PCDHA5: variants seen among roughly 807,000 people sequenced by gnomAD.
The protein encoded by PCDHA5 is protocadherin alpha 5.
Under a neutral mutation model 61.6 loss-of-function variants are expected in PCDHA5, and 43 were observed. The ratio of observed to expected loss-of-function variants is 0.70; its 90% CI spans 0.55 to 0.90. The LOEUF is 0.90. Ranked by LOEUF, PCDHA5 falls within the 40% of genes least tolerant of loss-of-function variation. The pLI, the probability that PCDHA5 is intolerant of heterozygous loss-of-function variation, is 0.00. For synonymous variants in PCDHA5, 627 were observed against 543.9 expected (o/e 1.15, Z -2.13); for missense variants, 1,298 against 1,222.7 (o/e 1.06, Z -0.92).
intron 1 of PCDHA5, chr5:140,869,787 G>A (rs1554163463): frequency 3.1e-6 from 5 of 1,612,888 alleles, no homozygotes; most frequent in Middle Eastern, 1.6e-4. Flanking sequence ...CCGTTCGGCT[G>A]TTAGTCCAAG....
At chr5:140,973,354 T>A (rs937415600) in intron 1 of PCDHA5, among the ~76,000 whole-genome samples, 4 of 152,202 alleles carry the variant, frequency 2.6e-5, no homozygotes, top group Non-Finnish European at 5.9e-5. Flanking sequence ...AGTAGTGAAT[T>A]TATAAAAATT....
At chr5:140,896,541 T>C (rs2065612579) in intron 1 of PCDHA5, among the ~76,000 whole-genome samples, 1 of 151,728 alleles carries the variant, frequency 6.6e-6, no homozygotes, top group South Asian at 2.1e-4. Flanking sequence ...TTTTTCTTTT[T>C]TTTTTTTGTA....
intron 1 of PCDHA5, among the ~76,000 whole-genome samples, chr5:140,846,323 T>G (rs2150386920): frequency 0.12 from 17,165 of 148,320 alleles, 3,122 homozygotes; most frequent in African/African-American, 0.34. Flanking sequence ...TAGAGTGTTG[T>G]AAATAGCCTT....
intron 1 of PCDHA5, among the ~76,000 whole-genome samples, chr5:140,933,870 T>C (rs2089481018): frequency 6.6e-6 from 1 of 152,092 alleles, no homozygotes. Context: ...CAGATATATG[T>C]TAGTTTTATC....
chr5:140,869,864 A>C (rs1554163548), intron 1 of PCDHA5: 1 of 1,610,504 alleles, frequency 6.2e-7, no homozygotes, highest in African/African-American at 1.3e-5. Context: ...CTTATGGAAA[A>C]TGCTGCTAAA....
intron 1 of PCDHA5, among the ~76,000 whole-genome samples, chr5:140,837,878 C>T (rs1554136685): frequency 6.6e-6 from 1 of 151,624 alleles, no homozygotes; most frequent in Non-Finnish European, 1.5e-5. Context: ...AGGGTGGAGT[C>T]TTGTTTCCCA....
intron 1 of PCDHA5, chr5:140,883,607 G>A (rs782736793): frequency 6.2e-7 from 1 of 1,613,968 alleles, no homozygotes; most frequent in Non-Finnish European, 8.5e-7. Context: ...GGGGGTGGCC[G>A]ACGTGAACGA....
At chr5:140,839,954 T>G (rs1241310286) in intron 1 of PCDHA5, among the ~76,000 whole-genome samples, 1 of 151,716 alleles carries the variant, frequency 6.6e-6, no homozygotes, top group Non-Finnish European at 1.5e-5. Context: ...AGACAACATA[T>G]TTTCTGTAAA....
chr5:140,897,455 T>C (rs1376435296), intron 1 of PCDHA5, among the ~76,000 whole-genome samples: 1 of 151,682 alleles, frequency 6.6e-6, no homozygotes, highest in Non-Finnish European at 1.5e-5. Flanking sequence ...TTTTTGTCCT[T>C]GCGATAGTTT....
chr5:140,883,207 G>T (rs781883209), intron 1 of PCDHA5: 12 of 1,613,794 alleles, frequency 7.4e-6, no homozygotes, highest in East Asian at 2.2e-5. Context: ...TCGAAGAAAA[G>T]AAATTATATG....
chr5:140,919,933 T>C (rs2153555434), intron 1 of PCDHA5, among the ~76,000 whole-genome samples: 1 of 152,222 alleles, frequency 6.6e-6, no homozygotes. Flanking sequence ...AGGTGGGGGC[T>C]AATTCCAGTG....
At chr5:140,854,157 C>G in intron 1 of PCDHA5, 1 of 165,326 alleles carries the variant, frequency 6.0e-6, no homozygotes. Flanking sequence ...AAGATTCTGT[C>G]TCAAAAAAAA....
intron 1 of PCDHA5, among the ~76,000 whole-genome samples, chr5:140,919,231 CT>C (rs2079047316): frequency 6.6e-6 from 1 of 152,160 alleles, no homozygotes; most frequent in African/African-American, 2.4e-5. Context: ...TCTAGTAACA[CT>C]TTTTGTCTTG....
intron 3 of PCDHA5, among the ~76,000 whole-genome samples, chr5:141,007,259 G>A (rs2098311634): frequency 6.6e-6 from 1 of 151,998 alleles, no homozygotes; most frequent in Non-Finnish European, 1.5e-5. Flanking sequence ...GTTAAAAGAA[G>A]CAGATACAGG....
At chr5:140,858,660 TAAC>T in intron 1 of PCDHA5, 1 of 753,410 alleles carries the variant, frequency 1.3e-6, no homozygotes, top group East Asian at 2.7e-5. Flanking sequence ...TTTTTTTAAA[TAAC>T]AATTTATTCT....
intron 1 of PCDHA5, chr5:140,828,354 C>A (rs1554131244): frequency 2.5e-6 from 4 of 1,614,264 alleles, no homozygotes; most frequent in East Asian, 4.5e-5. Flanking sequence ...TTTGTGAATT[C>A]TCGGATCGAC....
intron 1 of PCDHA5, among the ~76,000 whole-genome samples, chr5:140,977,003 T>G (rs1382476176): frequency 6.6e-6 from 1 of 152,248 alleles, no homozygotes; most frequent in Non-Finnish European, 1.5e-5. Flanking sequence ...AGAAATCTTG[T>G]AACTGTGATT....
At chr5:140,841,435 G>A (rs2150315414) in intron 1 of PCDHA5, 1 of 1,612,844 alleles carries the variant, frequency 6.2e-7, no homozygotes, top group South Asian at 1.1e-5. Context: ...TCCCCGAGGA[G>A]GCCAAACACG....
chr5:140,929,381 G>GT (rs1554207059), intron 1 of PCDHA5: 2 of 1,510,858 alleles, frequency 1.3e-6, no homozygotes, highest in African/African-American at 1.4e-5. Flanking sequence ...TGCTAGCTGT[G>GT]TTTTGAAATA....
Sources: allele counts gnomAD v4.1 joint callset (sites outside exome capture counted in the v4.1 genomes callset), GRCh38; gene constraint gnomAD v4.1.1; transcripts MANE v1.5; gene names NCBI Gene and HGNC (gene_info 2026-07-23, HGNC 2026-07-21).